The following SLC26A9 variants were observed in gnomAD, a reference collection of about 807,000 sequenced individuals.
SLC26A9 encodes anion transporter/exchanger protein 9.
In SLC26A9, 46 loss-of-function variants were observed where a neutral mutation model predicts 87.1. The observed-to-expected ratio is 0.53, with a 90% CI of 0.42 to 0.67. SLC26A9 has a LOEUF of 0.67. SLC26A9 is among the 30% of genes least tolerant of loss of function. The pLI, the probability that SLC26A9 is intolerant of heterozygous loss-of-function variation, is 0.00. For synonymous variants in SLC26A9, 437 were observed against 409.1 expected, an observed-to-expected ratio of 1.07 and a Z score of -0.82; for missense variants, 927 against 1,018.3, an observed-to-expected ratio of 0.91 and a Z score of 1.22.
At chr1:205,932,126 G>A in intron 4 of SLC26A9, 91 bp from the exon 5 acceptor site, 1 of 1,487,496 alleles carries the variant, frequency 6.7e-7, no homozygotes, top group East Asian at 2.3e-5. Context: ...CCCGACCCCA[G>A]GGGGATGGAT....
Position 205,927,241 on chromosome 1 carries a change from G to A in SLC26A9, c.1263C>T (p.Val421=), listed in dbSNP as rs114007691. The A allele has an allele frequency of 8.8e-4, 1,427 of 1,614,168 alleles. 11 individuals are homozygous for A. In the African/African-American group the frequency reaches 0.017, roughly 19 times the overall value. ...GGAGAGGATACAGATAGATCCCCAGGACCAGCATGGTGATCATCACCACCA... is the reference window on the plus strand; with the variant it reads ...GGAGAGGATACAGATAGATCCCCAGAACCAGCATGGTGATCATCACCACCA... The part of the protein sequence containing the change: ...VSLVVMITML[V]LGIYLYPLPK... The change falls in exon 11 of 21, where the codon GTC becomes GTT. Residue 421 remains valine, a synonymous_variant. Coordinates refer to ENST00000367135, the MANE Select transcript of SLC26A9 (RefSeq NM_052934.4).
intron 7 of SLC26A9, 92 bp from the exon 8 acceptor site, chr1:205,929,001 GAA>G: frequency 6.6e-7 from 1 of 1,522,082 alleles, no homozygotes; most frequent in South Asian, 1.1e-5. Context: ...TGGGGACCCT[GAA>G]TCCCACTCCC....
At position 205,928,036 on chromosome 1, in the gene SLC26A9, C is replaced by T. The variant is rs1441633206; in HGVS notation, c.967G>A (p.Val323Met). ...GEIQRGFPTP[V>M]SPVVSQWKDM... ...TTCCACTGTGAGACCACAGGCGACACCGGGGTGGGGAACCTGCCGAGGAGC... is the reference window on the plus strand; with the variant it reads ...TTCCACTGTGAGACCACAGGCGACATCGGGGTGGGGAACCTGCCGAGGAGC... Residue 323 changes from valine to methionine, a missense_variant, in exon 9 of 21, where the codon GTG becomes ATG. By Grantham distance (21) the Val-to-Met change is conservative. Coordinates refer to ENST00000367135, the MANE Select transcript of SLC26A9 (RefSeq NM_052934.4). The T allele has an allele frequency of 1.9e-6, 3 of 1,613,906 alleles. No individual in the cohort carries two copies. In the South Asian group the frequency reaches 3.3e-5, roughly 18 times the overall value.
intron 17 of SLC26A9, among the ~76,000 whole-genome samples, chr1:205,920,613 C>A (rs990775461): frequency 6.6e-6 from 1 of 152,188 alleles, no homozygotes; most frequent in Non-Finnish European, 1.5e-5. Flanking sequence ...CAATTCTCTG[C>A]CTCAGCCTAC....
chr1:205,918,237 G>C (rs1416812905), intron 19 of SLC26A9, among the ~76,000 whole-genome samples: 1 of 152,176 alleles, frequency 6.6e-6, no homozygotes, highest in African/African-American at 2.4e-5. Flanking sequence ...CTGGGGATCT[G>C]GGCAGGGACC....
At chr1:205,938,626 C>T (rs962544074) in intron 1 of SLC26A9, among the ~76,000 whole-genome samples, 2 of 152,140 alleles carry the variant, frequency 1.3e-5, no homozygotes, top group African/African-American at 4.8e-5. Flanking sequence ...TCCCACTTTC[C>T]TCCTTACCTG....
At chr1:205,922,950 G>T in intron 16 of SLC26A9, 132 bp downstream of exon 16, 1 of 758,182 alleles carries the variant, frequency 1.3e-6, no homozygotes, top group Non-Finnish European at 2.3e-6. Flanking sequence ...CCACCAGGCA[G>T]TGTTCCCAGA....
At chr1:205,919,338 A>C (rs1658725771) in intron 18 of SLC26A9, among the ~76,000 whole-genome samples, 1 of 152,160 alleles carries the variant, frequency 6.6e-6, no homozygotes, top group African/African-American at 2.4e-5. Flanking sequence ...CCTTTCCAGC[A>C]ACTTCCAATG....
intron 12 of SLC26A9, among the ~76,000 whole-genome samples, chr1:205,926,246 T>C (rs953355069): frequency 1.3e-5 from 2 of 152,220 alleles, no homozygotes; most frequent in African/African-American, 4.8e-5. Flanking sequence ...TTCTTCTTCA[T>C]AGAAAACCCT....
intron 20 of SLC26A9, among the ~76,000 whole-genome samples, 181 bp downstream of exon 20, chr1:205,917,097 TAAAAA>T (rs397957046): frequency 9.0e-6 from 1 of 111,018 alleles, no homozygotes; most frequent in African/African-American, 3.1e-5. Context: ...TGTCTCAAAT[TAAAAA>T]AAAAAAAAAA....
Position 205,931,864 on chromosome 1 carries a change from A to T in SLC26A9, c.548T>A (p.Ile183Asn), listed in dbSNP as rs1303773081. 6.2e-7 allele frequency: 1 copy of T among 1,612,762 alleles called. No individual in the cohort carries two copies. Among genetic ancestry groups the T allele is most frequent in the Non-Finnish European group, 8.5e-7 (1 of 1,179,478 alleles). ...GGTTGGGGGCTGCCCCCTCACCTGG[A>T]TGATGGCGGTGAGGCAGGCTAGCGT... ...SATLACLTAIIQMGLGFMQFG... is the reference protein window; with the variant it reads ...SATLACLTAINQMGLGFMQFG... The change falls in exon 5 of 21, where the codon ATC becomes AAC. Residue 183 changes from isoleucine (I) to asparagine (N), a missense_variant. Ile to Asn is a moderately radical substitution (Grantham distance 149). Coordinates refer to ENST00000367135, the MANE Select transcript of SLC26A9 (RefSeq NM_052934.4).
In SLC26A9 at chr1:205,927,213, T is replaced by G. The variant is rs767904174; in HGVS notation, c.1291A>C (p.Lys431Gln). ...VLGIYLYPLP[K>Q]SVLGALIAVN... Reference sequence around the variant, plus strand: ...CTGCTCGATGGCTGGGCTCTTACCTTAGGGAGAGGATACAGATAGATCCCC... The same window carrying G: ...CTGCTCGATGGCTGGGCTCTTACCTGAGGGAGAGGATACAGATAGATCCCC... Residue 431 changes from lysine to glutamine, a missense_variant and splice_region_variant, in exon 11 of 21, where the codon AAG becomes CAG. Transcript: ENST00000367135. The G allele has an allele frequency of 1.2e-6, 2 of 1,614,040 alleles. No homozygotes were observed. The highest frequency in any genetic ancestry group is 1.7e-6 in the Non-Finnish European group (2 of 1,179,958).
chr1:205,927,558 T>C lies in SLC26A9; in HGVS notation c.1149A>G (p.Lys383=). The C allele has an allele frequency of 6.2e-7, 1 of 1,614,020 alleles. No individual in the cohort carries two copies. The highest frequency in any genetic ancestry group is 8.5e-7 in the Non-Finnish European group (1 of 1,179,992). ...AAAGCGCACAGCAAATGACATGAAT[T>C]TTAAAGAAGGAGCCAAAGAAGTTGC... ...GCSNFFGSFF[K]IHVICCALSV... is the part of the protein sequence containing the mutation. Residue 383 remains lysine (K), a synonymous_variant, in exon 10 of 21, where the codon AAA becomes AAG. Coordinates refer to ENST00000367135, the MANE Select transcript of SLC26A9 (RefSeq NM_052934.4).
At chr1:205,938,177 C>G (rs1370097259) in intron 1 of SLC26A9, among the ~76,000 whole-genome samples, 1 of 151,792 alleles carries the variant, frequency 6.6e-6, no homozygotes, top group Non-Finnish European at 1.5e-5. Flanking sequence ...CCACCCCCAT[C>G]CTTGTTCCTG....
At chr1:205,916,059 A>G (rs1251813190) in intron 20 of SLC26A9, among the ~76,000 whole-genome samples, 4 of 152,104 alleles carry the variant, frequency 2.6e-5, no homozygotes, top group Non-Finnish European at 5.9e-5. Flanking sequence ...CAGGGGCCCT[A>G]TGGGGATGGT....
In SLC26A9 at chr1:205,930,454, G is replaced by A. The variant is rs375004848; in HGVS notation, c.553-398C>T. ...GCTCCTGGTAAAACATTCTTTTCAA[G>A]TCCAGCCCCATCTCTTTCTCTACCT... On this transcript the variant is annotated intron_variant, in intron 5 of 20. Transcript: ENST00000367135. Among the ~76,000 whole-genome samples the A allele has an allele frequency of 1.4e-4, 21 of 152,232 alleles. No individual in the cohort carries two copies. In the East Asian group the frequency reaches 3.3e-3, roughly 24 times the overall value.
intron 1 of SLC26A9, among the ~76,000 whole-genome samples, chr1:205,937,804 C>T (rs967041433): frequency 1.3e-5 from 2 of 151,844 alleles, no homozygotes; most frequent in Non-Finnish European, 2.9e-5. Context: ...GACCTCCCCA[C>T]ATAGGAACCC....
At chr1:205,921,521 G>T (rs200572730) in intron 17 of SLC26A9, 45 bp downstream of exon 17, 4 of 1,579,618 alleles carry the variant, frequency 2.5e-6, no homozygotes, top group East Asian at 2.3e-5. Context: ...AGAGCAGAGC[G>T]GAGGGGGTGG....
intron 17 of SLC26A9, 118 bp from the exon 18 acceptor site, chr1:205,920,348 C>T (rs994156187): frequency 7.6e-6 from 9 of 1,189,610 alleles, no homozygotes; most frequent in African/African-American, 1.5e-5. Context: ...ACCCTGAGAG[C>T]CCAGCAGCCA....
Sources: allele counts gnomAD v4.1 joint callset (sites outside exome capture counted in the v4.1 genomes callset), GRCh38; gene constraint gnomAD v4.1.1; transcripts MANE v1.5; gene names NCBI Gene and HGNC (gene_info 2026-07-23, HGNC 2026-07-21).